UNC79: variants seen among roughly 807,000 people sequenced by gnomAD.
The protein encoded by UNC79 is protein unc-79 homolog.
In UNC79, 37 loss-of-function variants were observed where a neutral mutation model predicts 283.1. The observed-to-expected ratio is 0.13, with a 90% CI of 0.10 to 0.17. The LOEUF is 0.17. Ranked by LOEUF, UNC79 falls within the 10% of genes least tolerant of loss-of-function variation. The pLI, the probability that UNC79 is intolerant of heterozygous loss-of-function variation, is 1.00. For synonymous variants in UNC79, 1,107 were observed against 1,200.2 expected (o/e 0.92, Z 1.61); for missense variants, 2,272 against 3,211.1 (o/e 0.71, Z 7.07).
chr14:93,646,135 A>G (rs1029743662), intron 34 of UNC79, among the ~76,000 whole-genome samples: 2 of 152,176 alleles, frequency 1.3e-5, no homozygotes, highest in Admixed American at 1.3e-4. Context: ...TCTCTTCTCA[A>G]TGTAACATTT....
intron 2 of UNC79, 146 bp downstream of exon 2, chr14:93,467,937 T>C: frequency 9.3e-7 from 1 of 1,071,442 alleles, no homozygotes; most frequent in Non-Finnish European, 1.2e-6. Flanking sequence ...TCAAGTTCTC[T>C]GGGTGTATGT....
At position 93,662,188 on chromosome 14, in the gene UNC79, T is replaced by G. The variant is rs1049194287; in HGVS notation, c.6526-416T>G. ...GTACTTTAGTACTTACACGTAAGGG[T>G]GGTTTGCACTACTTAACCCAGAAGA... On this transcript the variant is annotated intron_variant, in intron 39 of 48. Coordinates refer to ENST00000555664, the Ensembl canonical transcript of UNC79. Among the ~76,000 whole-genome samples, 2 of 152,154 alleles carry G rather than the reference T, an allele frequency of 1.3e-5. 1 individual carries two copies. The highest frequency in any genetic ancestry group is 4.1e-4 in the South Asian group (2 of 4,830).
upstream of UNC79, among the ~76,000 whole-genome samples, chr14:93,429,517 T>A (rs892638378): frequency 7.2e-5 from 11 of 152,252 alleles, no homozygotes; most frequent in African/African-American, 2.7e-4. Flanking sequence ...TTTTATTTGC[T>A]ACTCAGAAGC....
intron 7 of UNC79, among the ~76,000 whole-genome samples, chr14:93,506,727 A>ATC (rs2059562721): frequency 6.6e-6 from 1 of 152,132 alleles, no homozygotes; most frequent in Admixed American, 6.5e-5. Flanking sequence ...TGTCAGGCTT[A>ATC]TCTCTCTTTT....
intron 4 of UNC79, 30 bp downstream of exon 4, chr14:93,477,758 A>T (rs1171272769): frequency 6.3e-7 from 1 of 1,584,102 alleles, no homozygotes; most frequent in African/African-American, 1.4e-5. Context: ...ATACTAGATT[A>T]TTTTTATGTA....
intron 14 of UNC79, among the ~76,000 whole-genome samples, chr14:93,547,349 T>A (rs893351076): frequency 2.0e-4 from 31 of 152,240 alleles, no homozygotes; most frequent in African/African-American, 6.5e-4. Flanking sequence ...ATTAGTTTAA[T>A]GTATCTTTTT....
Position 93,622,848 on chromosome 14 carries a change from T to C in UNC79, c.5608+7T>C. On this transcript the variant is annotated splice_region_variant and intron_variant, in intron 30 of 48. Coordinates refer to ENST00000555664, the Ensembl canonical transcript of UNC79. ...GGAGAACAGAAAGATCCAGGTAAGCTCGCCTCTCTTCTTTCTCTCAGCCTT... is the reference window on the plus strand; with the variant it reads ...GGAGAACAGAAAGATCCAGGTAAGCCCGCCTCTCTTCTTTCTCTCAGCCTT... The C allele has an allele frequency of 1.2e-6, 2 of 1,608,144 alleles. No homozygotes were observed. Among genetic ancestry groups the C allele is most frequent in the Non-Finnish European group, 1.7e-6 (2 of 1,176,484 alleles).
chr14:93,491,478 G>A (rs2058722513), intron 5 of UNC79, among the ~76,000 whole-genome samples: 1 of 152,132 alleles, frequency 6.6e-6, no homozygotes, highest in Admixed American at 6.5e-5. Flanking sequence ...GGGTAGTAAA[G>A]CAGGGTGCTT....
At chr14:93,412,962 C>A (rs911322884) in intron 1 of UNC79, among the ~76,000 whole-genome samples, 2 of 152,018 alleles carry the variant, frequency 1.3e-5, no homozygotes, top group African/African-American at 2.4e-5. Context: ...AAACTCACTG[C>A]TGATAGTTAA....
chr14:93,448,472 C>T (rs1459140408), intron 1 of UNC79, among the ~76,000 whole-genome samples: 1 of 152,106 alleles, frequency 6.6e-6, no homozygotes, highest in Non-Finnish European at 1.5e-5. Flanking sequence ...TCATTAAAAT[C>T]CTTGTCTGTT....
intron 14 of UNC79, among the ~76,000 whole-genome samples, chr14:93,559,145 G>C (rs2062387562): frequency 6.6e-6 from 1 of 152,222 alleles, no homozygotes. Context: ...TATGTGTGCT[G>C]TGCTGGAGTA....
At chr14:93,540,555 C>T in intron 12 of UNC79, 105 bp from the exon 13 acceptor site, 1 of 1,261,146 alleles carries the variant, frequency 7.9e-7, no homozygotes, top group Non-Finnish European at 1.1e-6. Flanking sequence ...TAAAGAAGAG[C>T]AATCCAGGAT....
At chr14:93,587,836 G>A (rs1042480851) in intron 22 of UNC79, among the ~76,000 whole-genome samples, 5 of 152,178 alleles carry the variant, frequency 3.3e-5, no homozygotes, top group Non-Finnish European at 5.9e-5. Flanking sequence ...ATAAATGACT[G>A]CTTTATACAG....
rs1294529990 is a variant in UNC79 at position 93,493,895 on chromosome 14, A to ATTT, written c.713-2515_713-2514insTTT. Among the ~76,000 whole-genome samples, 59 of 35,534 alleles carry ATTT rather than the reference A, an allele frequency of 1.7e-3. 1 individual carries two copies. The highest frequency in any genetic ancestry group is 5.0e-3 in the African/African-American group (54 of 10,806). 23.3% of individuals were successfully genotyped at this position (35,534 alleles called of 152,430 possible). A position where few individuals can be genotyped will look rare whatever the true frequency, so the allele number is the denominator to read the frequency against. On this transcript the variant is annotated intron_variant, in intron 5 of 48. Coordinates refer to ENST00000555664, the Ensembl canonical transcript of UNC79. Reference sequence around the variant, plus strand: ...GCCACATATATATATATATATATATATATATATTTTTTTTTTTTTTTTTTT... The same window carrying ATTT: ...GCCACATATATATATATATATATATATTTTATATATTTTTTTTTTTTTTTTTTT...
chr14:93,570,128 G>A (rs1452837087), intron 14 of UNC79, among the ~76,000 whole-genome samples: 3 of 152,002 alleles, frequency 2.0e-5, no homozygotes, highest in African/African-American at 7.3e-5. Context: ...AAAAAATTTT[G>A]TTTAGATACA....
chr14:93,636,214 C>T (rs1330201104), intron 31 of UNC79, among the ~76,000 whole-genome samples: 1 of 152,206 alleles, frequency 6.6e-6, no homozygotes, highest in African/African-American at 2.4e-5. Context: ...CACTTTTCAA[C>T]CAAATTTCAA....
upstream of UNC79, among the ~76,000 whole-genome samples, chr14:93,426,531 A>G (rs2055732626): frequency 6.6e-6 from 1 of 151,580 alleles, no homozygotes; most frequent in Non-Finnish European, 1.5e-5. Context: ...CACAGGCCCC[A>G]GGCTATGTTC....
intron 2 of UNC79, among the ~76,000 whole-genome samples, chr14:93,473,084 T>G (rs1382326739): frequency 1.3e-5 from 2 of 152,100 alleles, no homozygotes; most frequent in East Asian, 3.8e-4. Flanking sequence ...AACCAATTTA[T>G]TTTTAGAATT....
chr14:93,357,865 GGATATATGGA>G lies in UNC79; in HGVS notation c.-351+24343_-351+24352del, dbSNP rs2054137867. 1.4e-4 allele frequency among the ~76,000 whole-genome samples: 4 copies of G among 29,436 alleles called. 1 individual carries two copies. Among genetic ancestry groups the G allele is most frequent in the African/African-American group, 4.0e-4 (4 of 9,976 alleles). The allele number at this position is 29,436 out of a possible 152,430, so 19.3% of individuals were successfully genotyped here. ...TATATGGATATATGGATATATATATGGATATATGGATATATATATGGATATATGGAGATAT... is the reference window on the plus strand; with the variant it reads ...TATATGGATATATGGATATATATATGTATATATATGGATATATGGAGATAT... On this transcript the variant is annotated intron_variant, in intron 1 of 49. Coordinates refer to the UNC79 transcript ENST00000256339.
Sources: gnomAD v4.1 joint callset for allele counts (sites outside exome capture counted in the v4.1 genomes callset) on GRCh38, gnomAD v4.1.1 for gene constraint, MANE v1.5 for transcripts, NCBI Gene and HGNC (gene_info 2026-07-23, HGNC 2026-07-21) for gene names.